Variants in SNRPB2 observed in about 807,000 individuals in gnomAD.
SNRPB2 encodes the protein U2 small nuclear ribonucleoprotein B''.
In SNRPB2, 16 loss-of-function variants were observed where a neutral mutation model predicts 26.3. That is an observed-to-expected ratio of 0.61 (90% CI 0.41 to 0.92). SNRPB2 has a LOEUF of 0.92. SNRPB2 is among the 40% of genes least tolerant of loss of function. The pLI, the probability that SNRPB2 is intolerant of heterozygous loss-of-function variation, is 0.00. For synonymous variants in SNRPB2, 75 were observed against 89.0 expected, an observed-to-expected ratio of 0.84 and a Z score of 0.88; for missense variants, 179 against 268.1, an observed-to-expected ratio of 0.67 and a Z score of 2.32.
intron 3 of SNRPB2, among the ~76,000 whole-genome samples, chr20:16,735,050 C>T (rs905481201): frequency 6.6e-6 from 1 of 152,120 alleles, no homozygotes; most frequent in African/African-American, 2.4e-5. Flanking sequence ...CACTGTGGTA[C>T]GGCAGCCCAG....
Position 16,734,295 on chromosome 20 carries a change from G to A in SNRPB2, c.237+1959G>A, listed in dbSNP as rs1031236273. Reference sequence around the variant, plus strand: ...CTGCCAAATCTCCATCTTAGAAGAGGGGAAATAGAGTTCTTTGGGCTGTCT... The same window carrying A: ...CTGCCAAATCTCCATCTTAGAAGAGAGGAAATAGAGTTCTTTGGGCTGTCT... On this transcript the variant is annotated intron_variant, in intron 3 of 6. Coordinates refer to ENST00000246071, the MANE Select transcript of SNRPB2 (RefSeq NM_003092.5). Among the ~76,000 whole-genome samples, 4 of 152,104 alleles carry A rather than the reference G, an allele frequency of 2.6e-5. No homozygotes were observed. In the South Asian group the frequency reaches 8.3e-4, roughly 32 times the overall value.
chr20:16,730,354 C>T (rs1279374005), intron 1 of SNRPB2, among the ~76,000 whole-genome samples, 190 bp downstream of exon 1: 4 of 152,196 alleles, frequency 2.6e-5, no homozygotes, highest in African/African-American at 9.6e-5. Flanking sequence ...TGTCAGTCTG[C>T]TCGTGCGAGG....
Position 16,737,314 on chromosome 20 carries a change from T to G in SNRPB2, c.291T>G (p.Thr97=), listed in dbSNP as rs774050770. 1 of 1,606,888 alleles carries G rather than the reference T, an allele frequency of 6.2e-7. No individual in the cohort carries two copies. Among genetic ancestry groups the G allele is most frequent in the African/African-American group, 1.3e-5 (1 of 74,292 alleles). The change falls in exon 4 of 7, where the codon ACT becomes ACG. Residue 97 remains threonine, a synonymous_variant. Transcript: ENST00000246071. ...DSDIISKMRG[T]FADKEKKKEK... ...ATATAATATCAAAAATGCGTGGAAC[T>G]TTTGCTGACAAAGAAAAGAAAAAAG...
At chr20:16,732,671 C>T (rs889809132) in intron 3 of SNRPB2, among the ~76,000 whole-genome samples, 3 of 152,140 alleles carry the variant, frequency 2.0e-5, no homozygotes, top group Admixed American at 2.0e-4. Context: ...AAACAAAAGT[C>T]ATGAGTCAAA....
In SNRPB2 at chr20:16,741,524, T is replaced by C. The variant is rs2072462680; in HGVS notation, c.*519T>C. 6.6e-6 allele frequency: 1 copy of C among 152,220 alleles called. No individual in the cohort carries two copies. Among genetic ancestry groups the C allele is most frequent in the African/African-American group, 2.4e-5 (1 of 41,464 alleles). The allele number at this position is 152,220 out of a possible 1,614,324, so 9.4% of individuals were successfully genotyped here. ...AGAAATGAATATATTATTTTGCTGC[T>C]AGTAGGGATTCCACAAGTTTTCTTC... On this transcript the variant is annotated 3_prime_UTR_variant, in exon 7 of 7. Coordinates refer to ENST00000246071, the MANE Select transcript of SNRPB2 (RefSeq NM_003092.5).
At position 16,740,717 on chromosome 20, in the gene SNRPB2, A is replaced by G. The variant is rs184979535; in HGVS notation, c.519-129A>G. On this transcript the variant is annotated intron_variant, in intron 6 of 6. Transcript: ENST00000246071. ...AATTACACATGAGGCTCTTCCGTCTACTCAGTATTCTTGGTTAGAGTATGG... is the reference window on the plus strand; with the variant it reads ...AATTACACATGAGGCTCTTCCGTCTGCTCAGTATTCTTGGTTAGAGTATGG... 1.7e-4 allele frequency: 127 copies of G among 730,626 alleles called. No individual in the cohort carries two copies. In the African/African-American group the frequency reaches 2.1e-3, roughly 12 times the overall value. The allele number at this position is 730,626 out of a possible 1,614,324, so 45.3% of individuals were successfully genotyped here.
chr20:16,738,208 A>G (rs2072440670), intron 4 of SNRPB2, among the ~76,000 whole-genome samples: 1 of 151,984 alleles, frequency 6.6e-6, no homozygotes, highest in South Asian at 2.1e-4. Context: ...TGGGAGGCTG[A>G]GGTGGGTGGA....
At chr20:16,733,937 G>A (rs1422505886) in intron 3 of SNRPB2, among the ~76,000 whole-genome samples, 2 of 152,054 alleles carry the variant, frequency 1.3e-5, no homozygotes, top group South Asian at 2.1e-4. Context: ...GAAACCAGGC[G>A]GTCTCTCATA....
chr20:16,733,682 G>T (rs1036696010), intron 3 of SNRPB2, among the ~76,000 whole-genome samples: 3 of 152,356 alleles, frequency 2.0e-5, no homozygotes, highest in Admixed American at 2.0e-4. Flanking sequence ...AGCAGTCCCA[G>T]ATGAGAACAG....
chr20:16,733,002 A>G (rs1310092219), intron 3 of SNRPB2, among the ~76,000 whole-genome samples: 1 of 152,210 alleles, frequency 6.6e-6, no homozygotes, highest in Non-Finnish European at 1.5e-5. Context: ...AGTGTGAAGC[A>G]AGGGGTTTCT....
chr20:16,731,835 C>G, intron 2 of SNRPB2, 69 bp downstream of exon 2: 1 of 1,598,022 alleles, frequency 6.3e-7, no homozygotes, highest in South Asian at 1.1e-5. Context: ...AAAAATTGTA[C>G]TGCCTCAAAA....
At chr20:16,737,114 G>T in intron 3 of SNRPB2, 147 bp from the exon 4 acceptor site, 1 of 515,564 alleles carries the variant, frequency 1.9e-6, no homozygotes, top group East Asian at 3.4e-5. Flanking sequence ...ACTTCCATTT[G>T]GCACTCAGTA....
At chr20:16,733,787 AG>A (rs1401725953) in intron 3 of SNRPB2, among the ~76,000 whole-genome samples, 2 of 152,148 alleles carry the variant, frequency 1.3e-5, no homozygotes, top group Admixed American at 6.6e-5. Flanking sequence ...TATTAGAGCA[AG>A]TTCTTCTCAT....
In SNRPB2 at chr20:16,738,906, A is replaced by AC. The variant is rs2072445469; in HGVS notation, c.429+4_429+5insC. 6.3e-7 allele frequency: 1 copy of AC among 1,595,186 alleles called. No homozygotes were observed. The highest frequency in any genetic ancestry group is 1.3e-5 in the African/African-American group (1 of 74,498). ...AAATTCAACACCAAATCCTCAGGTA[A>AC]TTTTTTTTCCATGTCGTGCTTACCT... is the stretch of plus-strand genomic sequence containing the variant. On this transcript the variant is annotated splice_donor_region_variant and intron_variant, in intron 5 of 6. Coordinates refer to ENST00000246071, the MANE Select transcript of SNRPB2 (RefSeq NM_003092.5).
rs771924988 is a variant in SNRPB2, at chr20:16,738,820, A to G, written c.379-32A>G. Reference sequence around the variant, plus strand: ...CCTGCTGCGTTTTTGGAGGGATTGGATATTTAAACTCTCCCTATTTATTTT... The same window carrying G: ...CCTGCTGCGTTTTTGGAGGGATTGGGTATTTAAACTCTCCCTATTTATTTT... On this transcript the variant is annotated intron_variant, in intron 4 of 6. Transcript: ENST00000246071. 3.1e-6 allele frequency: 4 copies of G among 1,304,620 alleles called. No individual in the cohort carries two copies. The South Asian group carries it at 4.8e-5, about 16-fold the overall frequency. The allele number at this position is 1,304,620 out of a possible 1,614,324, so 80.8% of individuals were successfully genotyped here.
At chr20:16,732,550 T>C in intron 3 of SNRPB2, 1 of 362,420 alleles carries the variant, frequency 2.8e-6, no homozygotes, top group East Asian at 4.3e-5. Flanking sequence ...TGTAGAATAT[T>C]TTAAAAAATA....
chr20:16,737,538 T>C, intron 4 of SNRPB2, 137 bp downstream of exon 4: 2 of 673,722 alleles, frequency 3.0e-6, no homozygotes, highest in Admixed American at 6.5e-5. Context: ...TTTAAGAAGC[T>C]AGAATGGTTG....
At chr20:16,738,029 A>T (rs2072438653) in intron 4 of SNRPB2, among the ~76,000 whole-genome samples, 1 of 142,982 alleles carries the variant, frequency 7.0e-6, no homozygotes, top group African/African-American at 2.7e-5. Context: ...ACAGAGTGAG[A>T]CTCTGTCTCA....
At chr20:16,739,068 A>G (rs531607470) in intron 5 of SNRPB2, among the ~76,000 whole-genome samples, 166 bp downstream of exon 5, 1 of 152,246 alleles carries the variant, frequency 6.6e-6, no homozygotes, top group Non-Finnish European at 1.5e-5. Flanking sequence ...CCTGAAGAAC[A>G]TTTTAATTCT....
Sources: gnomAD v4.1 joint callset for allele counts (sites outside exome capture counted in the v4.1 genomes callset) on GRCh38, gnomAD v4.1.1 for gene constraint, MANE v1.5 for transcripts, NCBI Gene and HGNC (gene_info 2026-07-23, HGNC 2026-07-21) for gene names.